The following TSGA10 variants were observed in gnomAD, a reference collection of about 807,000 sequenced individuals.
The protein encoded by TSGA10 is testis-specific gene 10 protein.
In TSGA10, 43 loss-of-function variants were observed where a neutral mutation model predicts 96.6. The ratio of observed to expected loss-of-function variants is 0.44; its 90% CI spans 0.35 to 0.57. The LOEUF is 0.57. Among genes scored for constraint, TSGA10 ranks in the 20% least tolerant of loss-of-function variants. TSGA10 has a pLI of 0.01. For missense variants in TSGA10, 703 were observed against 834.4 expected (o/e 0.84, Z 1.94); for synonymous variants, 229 against 269.9 (o/e 0.85, Z 1.48).
intron 1 of TSGA10, among the ~76,000 whole-genome samples, chr2:99,128,805 T>C (rs2092944468): frequency 6.6e-6 from 1 of 152,150 alleles, no homozygotes; most frequent in African/African-American, 2.4e-5. Context: ...GTCACCCAGG[T>C]TGGCATGATC....
At chr2:99,074,600 T>C (rs560384870) in intron 12 of TSGA10, among the ~76,000 whole-genome samples, 49 of 152,336 alleles carry the variant, frequency 3.2e-4, no homozygotes, top group Non-Finnish European at 6.5e-4. Context: ...TTTACACATT[T>C]TTGAAATATA....
intron 16 of TSGA10, among the ~76,000 whole-genome samples, chr2:99,053,677 A>C (rs982134718): frequency 4.6e-5 from 7 of 152,238 alleles, no homozygotes; most frequent in African/African-American, 1.7e-4. Flanking sequence ...TCAGTGGTGA[A>C]AAGCTCCAAC....
intron 10 of TSGA10, chr2:99,102,229 T>A: frequency 1.2e-6 from 2 of 1,610,790 alleles, no homozygotes; most frequent in Non-Finnish European, 1.7e-6. Context: ...AGTGAAGTAT[T>A]CCAGAAGTTA....
chr2:99,111,053 G>A (rs2091763868), intron 4 of TSGA10, 138 bp from the exon 5 acceptor site: 1 of 159,896 alleles, frequency 6.3e-6, no homozygotes, highest in East Asian at 1.9e-4. Context: ...GAAATAACCT[G>A]TTTAGCAACC....
At chr2:99,013,972 G>A (rs577878163) in intron 20 of TSGA10, among the ~76,000 whole-genome samples, 2 of 152,134 alleles carry the variant, frequency 1.3e-5, no homozygotes, top group East Asian at 3.9e-4. Flanking sequence ...GGACAACATG[G>A]TGAAACCCTG....
chr2:99,154,836 C>G lies in TSGA10; in HGVS notation c.-764G>C. On this transcript the variant is annotated 5_prime_UTR_variant, in exon 1 of 21. Coordinates refer to ENST00000393483, the MANE Select transcript of TSGA10 (RefSeq NM_025244.4). ...TGGTTCCCGCCCTGAAGGACCCTTACTTAGCACTCCTGCGGGCTGCCGGGA... is the reference window on the plus strand; with the variant it reads ...TGGTTCCCGCCCTGAAGGACCCTTAGTTAGCACTCCTGCGGGCTGCCGGGA... 2.9e-6 allele frequency: 1 copy of G among 344,340 alleles called. No homozygotes were observed. Among genetic ancestry groups the G allele is most frequent in the Non-Finnish European group, 5.8e-6 (1 of 173,728 alleles). 21.3% of individuals were successfully genotyped at this position (344,340 alleles called of 1,614,324 possible). A position where few individuals can be genotyped will look rare whatever the true frequency, so the allele number is the denominator to read the frequency against.
intron 16 of TSGA10, 110 bp downstream of exon 16, chr2:99,064,829 A>T: frequency 1.1e-6 from 1 of 888,548 alleles, no homozygotes; most frequent in Non-Finnish European, 1.6e-6. Flanking sequence ...AATTCACAGT[A>T]CATTTAAATA....
chr2:99,088,119 T>A (rs1212209447), intron 10 of TSGA10, among the ~76,000 whole-genome samples: 1 of 152,216 alleles, frequency 6.6e-6, no homozygotes, highest in Non-Finnish European at 1.5e-5. Flanking sequence ...ATTTTCTCAA[T>A]TCTCTCAAGG....
chr2:99,129,688 T>C (rs980457511), intron 1 of TSGA10, among the ~76,000 whole-genome samples: 1 of 152,200 alleles, frequency 6.6e-6, no homozygotes, highest in Non-Finnish European at 1.5e-5. Flanking sequence ...ATCATTAGAA[T>C]GGAACTTGTG....
chr2:99,093,826 C>T (rs879769775), intron 10 of TSGA10, among the ~76,000 whole-genome samples: 1 of 152,020 alleles, frequency 6.6e-6, no homozygotes, highest in African/African-American at 2.4e-5. Flanking sequence ...GAACCTACTG[C>T]CAAAAGCAAT....
chr2:99,126,389 T>C (rs1360832883), intron 2 of TSGA10: 1 of 152,226 alleles, frequency 6.6e-6, no homozygotes, highest in East Asian at 1.9e-4. Context: ...GTCTGCGACA[T>C]ACGGAGAAAA....
intron 16 of TSGA10, among the ~76,000 whole-genome samples, chr2:99,040,624 A>C (rs1252093369): frequency 6.6e-6 from 1 of 152,216 alleles, no homozygotes; most frequent in Non-Finnish European, 1.5e-5. Context: ...TTTATGACAC[A>C]AACAAATGGA....
At chr2:99,102,494 G>A in intron 10 of TSGA10, 1 of 1,614,100 alleles carries the variant, frequency 6.2e-7, no homozygotes, top group Non-Finnish European at 8.5e-7. Flanking sequence ...TTGCCATTCA[G>A]AAATGTGACC....
chr2:99,070,064 T>G (rs941662981), intron 14 of TSGA10, among the ~76,000 whole-genome samples: 1 of 152,180 alleles, frequency 6.6e-6, no homozygotes, highest in African/African-American at 2.4e-5. Context: ...TCTTCTACCT[T>G]GGGCCTATGA....
chr2:99,019,474 G>A (rs1051614127), intron 18 of TSGA10, among the ~76,000 whole-genome samples: 5 of 152,184 alleles, frequency 3.3e-5, no homozygotes, highest in African/African-American at 4.8e-5. Flanking sequence ...CTCAGTCACC[G>A]CCACTATAAC....
At chr2:99,045,356 G>A (rs2082656974) in intron 16 of TSGA10, among the ~76,000 whole-genome samples, 1 of 152,176 alleles carries the variant, frequency 6.6e-6, no homozygotes, top group African/African-American at 2.4e-5. Flanking sequence ...TACCCACAAA[G>A]GGAAGCCCAT....
chr2:99,109,365 T>C (rs1167416220), intron 6 of TSGA10, 24 bp downstream of exon 6: 2 of 1,612,406 alleles, frequency 1.2e-6, no homozygotes, highest in African/African-American at 1.3e-5. Flanking sequence ...AACTCCAAAA[T>C]ATTTGTAAGT....
chr2:99,128,651 T>C (rs1001593442), intron 1 of TSGA10, among the ~76,000 whole-genome samples: 7 of 152,220 alleles, frequency 4.6e-5, no homozygotes, highest in Middle Eastern at 6.3e-3. Flanking sequence ...ATAGCAAGGA[T>C]CTATTTAAGT....
At chr2:99,004,668 A>G (rs1476622867) in intron 20 of TSGA10, among the ~76,000 whole-genome samples, 6 of 151,878 alleles carry the variant, frequency 4.0e-5, no homozygotes, top group Non-Finnish European at 5.9e-5. Flanking sequence ...CCAACCAAAA[A>G]AAGTCCAGAA....
Sources: gnomAD v4.1 joint callset for allele counts (sites outside exome capture counted in the v4.1 genomes callset) on GRCh38, gnomAD v4.1.1 for gene constraint, MANE v1.5 for transcripts, NCBI Gene and HGNC (gene_info 2026-07-23, HGNC 2026-07-21) for gene names.